The following CACNA2D3 variants were observed in gnomAD, a reference collection of about 807,000 sequenced individuals.
The protein encoded by CACNA2D3 is calcium voltage-gated channel auxiliary subunit alpha2delta 3.
CACNA2D3 carries 60 observed loss-of-function variants against 160.6 expected under a neutral mutation model. That is an observed-to-expected ratio of 0.37 (90% CI 0.30 to 0.46). The LOEUF (loss-of-function observed/expected upper bound fraction) is 0.46, where lower values mean the gene tolerates loss of function less well. Among genes scored for constraint, CACNA2D3 ranks in the 20% least tolerant of loss-of-function variants. The pLI is 1.00. For missense variants in CACNA2D3, 1,205 were observed against 1,365.0 expected (o/e 0.88, Z 1.85); for synonymous variants, 558 against 492.9 (o/e 1.13, Z -1.75).
At chr3:54,941,806 G>A (rs185724175) in intron 27 of CACNA2D3, among the ~76,000 whole-genome samples, 74 of 152,288 alleles carry the variant, frequency 4.9e-4, no homozygotes, top group African/African-American at 1.7e-3. Context: ...AGTCCCTTGG[G>A]TCTGGGGAGA....
rs1559563462 is a variant in CACNA2D3, at chr3:54,736,018, C to CACATATATATATATGTATATATATAT, written c.1168-16576_1168-16575insTATATATATGTATATATATATACATA. ...ACATATATATATATGTATATATATACACATACATATATATATGTATATATA... is the reference window on the plus strand; with the variant it reads ...ACATATATATATATGTATATATATACACATATATATATATGTATATATATATACATACATATATATATGTATATATA... On this transcript the variant is annotated intron_variant, in intron 11 of 37. Transcript: ENST00000474759. Among the ~76,000 whole-genome samples the CACATATATATATATGTATATATATAT allele has an allele frequency of 1.3e-3, 109 of 80,896 alleles. 5 individuals are homozygous for CACATATATATATATGTATATATATAT. Among genetic ancestry groups the CACATATATATATATGTATATATATAT allele is most frequent in the African/African-American group, 5.7e-3 (101 of 17,784 alleles). 53.1% of individuals were successfully genotyped at this position (80,896 alleles called of 152,430 possible). A position where few individuals can be genotyped will look rare whatever the true frequency, so the allele number is the denominator to read the frequency against.
chr3:55,004,981 A>C, intron 32 of CACNA2D3, 143 bp downstream of exon 32: 1 of 626,260 alleles, frequency 1.6e-6, no homozygotes, highest in Admixed American at 3.1e-5. Context: ...TAAAAAAAAA[A>C]AAAAACACTT....
At chr3:54,885,143 C>A in intron 21 of CACNA2D3, 138 bp from the exon 22 acceptor site, 1 of 749,810 alleles carries the variant, frequency 1.3e-6, no homozygotes, top group Non-Finnish European at 2.3e-6. Context: ...GAAAATAAAC[C>A]TGCTGCTCCA....
At chr3:54,818,403 A>G (rs1015536942) in intron 14 of CACNA2D3, among the ~76,000 whole-genome samples, 1 of 152,190 alleles carries the variant, frequency 6.6e-6, no homozygotes, top group Non-Finnish European at 1.5e-5. Context: ...CTGATCTTGA[A>G]TTCCTGACCT....
In CACNA2D3 at chr3:54,721,000, TTAATC is replaced by T. The variant is rs768460482; in HGVS notation, c.1168-31595_1168-31591del. Among the ~76,000 whole-genome samples the T allele has an allele frequency of 2.1e-4, 32 of 152,296 alleles. No individual in the cohort carries two copies. The East Asian group carries it at 5.6e-3, about 27-fold the overall frequency. On this transcript the variant is annotated intron_variant, in intron 11 of 37. Transcript: ENST00000474759. ...TTTTCTTATCTATGTTTCTAGTTGATTAATCTAAAAAAGGCAAAATATTTCTATTA... is the reference window on the plus strand; with the variant it reads ...TTTTCTTATCTATGTTTCTAGTTGATTAAAAAAGGCAAAATATTTCTATTA...
intron 11 of CACNA2D3, among the ~76,000 whole-genome samples, chr3:54,688,522 C>G (rs1357507388): frequency 2.0e-5 from 3 of 151,704 alleles, no homozygotes; most frequent in African/African-American, 7.3e-5. Flanking sequence ...TATTCGCATC[C>G]TTTCTCCTGC....
chr3:54,924,706 T>G (rs1344744065), intron 27 of CACNA2D3: 1 of 1,614,102 alleles, frequency 6.2e-7, no homozygotes, highest in South Asian at 1.1e-5. Flanking sequence ...AGTAAAAGCC[T>G]CACACTGGGC....
chr3:54,482,031 A>C (rs1301259523), intron 4 of CACNA2D3, among the ~76,000 whole-genome samples: 1 of 152,214 alleles, frequency 6.6e-6, no homozygotes, highest in African/African-American at 2.4e-5. Flanking sequence ...ACTTGGAAGA[A>C]ATATGCATCA....
intron 2 of CACNA2D3, among the ~76,000 whole-genome samples, chr3:54,229,018 A>C (rs1290845718): frequency 2.0e-5 from 3 of 152,128 alleles, no homozygotes; most frequent in Admixed American, 1.3e-4. Flanking sequence ...TGCTGTATGG[A>C]AGATTCAGGA....
intron 3 of CACNA2D3, among the ~76,000 whole-genome samples, chr3:54,360,351 A>G (rs367965297): frequency 1.3e-5 from 2 of 152,204 alleles, no homozygotes; most frequent in African/African-American, 4.8e-5. Flanking sequence ...TGCAAACAAA[A>G]TTGCAAATAC....
intron 28 of CACNA2D3, 84 bp downstream of exon 28, chr3:54,968,595 G>A: frequency 1.0e-6 from 1 of 953,288 alleles, no homozygotes; most frequent in Middle Eastern, 2.1e-4. Context: ...GCCTGAAAGT[G>A]CCAGATTTCC....
intron 13 of CACNA2D3, among the ~76,000 whole-genome samples, chr3:54,794,722 C>T (rs1218476866): frequency 6.6e-6 from 1 of 151,588 alleles, no homozygotes; most frequent in Non-Finnish European, 1.5e-5. Flanking sequence ...AAAGTGGCTG[C>T]TCTAGGGTCA....
At chr3:54,500,508 C>CCTTCCTTCCTCT (rs762109892) in intron 4 of CACNA2D3, among the ~76,000 whole-genome samples, 5 of 90,186 alleles carry the variant, frequency 5.5e-5, no homozygotes, top group Admixed American at 1.2e-4. Context: ...TTCCTATCTT[C>CCTTCCTTCCTCT]CTTCCTTCCT....
At chr3:54,782,725 A>G (rs1188309100) in intron 13 of CACNA2D3, among the ~76,000 whole-genome samples, 1 of 152,154 alleles carries the variant, frequency 6.6e-6, no homozygotes, top group African/African-American at 2.4e-5. Context: ...TACTGAAGCC[A>G]TCACCTCTCC....
intron 10 of CACNA2D3, among the ~76,000 whole-genome samples, chr3:54,636,623 C>A (rs1444759388): frequency 6.6e-6 from 1 of 151,990 alleles, no homozygotes; most frequent in Non-Finnish European, 1.5e-5. Flanking sequence ...GTTGTTTGGA[C>A]AGAAAGGCTA....
At chr3:54,508,563 A>G (rs1302675791) in intron 5 of CACNA2D3, among the ~76,000 whole-genome samples, 1 of 152,264 alleles carries the variant, frequency 6.6e-6, no homozygotes, top group Non-Finnish European at 1.5e-5. Context: ...ATAGATTACA[A>G]TCAAAACACT....
rs1464469724 is a variant in CACNA2D3 at position 54,399,175 on chromosome 3, C to CT, written c.381+12404dup. Among the ~76,000 whole-genome samples, 156 of 20,682 alleles carry CT rather than the reference C, an allele frequency of 7.5e-3. 4 individuals carry two copies. Among genetic ancestry groups the CT allele is most frequent in the East Asian group, 0.068 (53 of 782 alleles). 13.6% of individuals were successfully genotyped at this position (20,682 alleles called of 152,430 possible). On this transcript the variant is annotated intron_variant, in intron 4 of 37. Transcript: ENST00000474759. ...CCTTGGTTTTCAGCTCCATCAGCTC[C>CT]TTTAAGCACTTCTCTCTATTGGTTA...
intron 2 of CACNA2D3, among the ~76,000 whole-genome samples, chr3:54,162,442 A>G (rs1700363682): frequency 6.6e-6 from 1 of 152,080 alleles, no homozygotes; most frequent in Non-Finnish European, 1.5e-5. Context: ...GCCTCTCCAT[A>G]TAGTCTCTGT....
At chr3:54,743,867 G>T (rs10510772) in intron 11 of CACNA2D3, among the ~76,000 whole-genome samples, 29,642 of 152,082 alleles carry the variant, frequency 0.19, 3,134 homozygotes, top group African/African-American at 0.24. Context: ...GTTTGTTTCA[G>T]GATCCCTAGT....
Sources: gnomAD v4.1 joint callset for allele counts (sites outside exome capture counted in the v4.1 genomes callset) on GRCh38, gnomAD v4.1.1 for gene constraint, MANE v1.5 for transcripts, NCBI Gene and HGNC (gene_info 2026-07-23, HGNC 2026-07-21) for gene names.